Variants in USP31 observed in about 807,000 individuals in gnomAD.
USP31 encodes the protein ubiquitin carboxyl-terminal hydrolase 31.
Under a neutral mutation model 119.4 loss-of-function variants are expected in USP31, and 44 were observed. The observed-to-expected ratio is 0.37, with a 90% CI of 0.29 to 0.47. The LOEUF (loss-of-function observed/expected upper bound fraction) is 0.47, where lower values mean the gene tolerates loss of function less well. Ranked by LOEUF, USP31 falls within the 20% of genes least tolerant of loss-of-function variation. The pLI, the probability that USP31 is intolerant of heterozygous loss-of-function variation, is 0.99. For synonymous variants in USP31, 749 were observed against 705.6 expected, an observed-to-expected ratio of 1.06 and a Z score of -0.97; for missense variants, 1,643 against 1,730.2, an observed-to-expected ratio of 0.95 and a Z score of 0.89.
At chr16:23,137,601 T>C (rs995426261) in intron 1 of USP31, among the ~76,000 whole-genome samples, 2 of 150,744 alleles carry the variant, frequency 1.3e-5, no homozygotes, top group Non-Finnish European at 1.5e-5. Context: ...ACACATGACA[T>C]ATATATATGT....
chr16:23,089,116 G>A (rs1901239939), intron 7 of USP31, among the ~76,000 whole-genome samples: 1 of 152,132 alleles, frequency 6.6e-6, no homozygotes, highest in East Asian at 1.9e-4. Context: ...GAATTCCACA[G>A]GTTCTTTACT....
intron 6 of USP31, among the ~76,000 whole-genome samples, chr16:23,095,276 G>T (rs1901552306): frequency 6.6e-6 from 1 of 152,120 alleles, no homozygotes; most frequent in Non-Finnish European, 1.5e-5. Context: ...ATGAAATAAA[G>T]CAAGAACACA....
At chr16:23,107,527 A>G (rs1902157244) in intron 2 of USP31, among the ~76,000 whole-genome samples, 1 of 152,212 alleles carries the variant, frequency 6.6e-6, no homozygotes, top group Non-Finnish European at 1.5e-5. Context: ...TCTTTAGTCT[A>G]ATTTTTTTCC....
chr16:23,111,795 T>C (rs1476379809), intron 1 of USP31, among the ~76,000 whole-genome samples: 3 of 152,132 alleles, frequency 2.0e-5, no homozygotes, highest in South Asian at 2.1e-4. Flanking sequence ...AAGAGTCAAA[T>C]GAAGAGAGCT....
At chr16:23,118,124 A>AAG (rs2141885251) in intron 1 of USP31, among the ~76,000 whole-genome samples, 1 of 152,232 alleles carries the variant, frequency 6.6e-6, no homozygotes, top group African/African-American at 2.4e-5. Flanking sequence ...TGCTTCTCTG[A>AAG]GCCTCAGTCA....
chr16:23,137,558 T>C lies in USP31; in HGVS notation c.633+11080A>G, dbSNP rs569721158. Among the ~76,000 whole-genome samples the C allele has an allele frequency of 2.7e-4, 41 of 150,808 alleles. 1 individual carries two copies. The South Asian group carries it at 8.6e-3, about 32-fold the overall frequency. The stretch of plus-strand genomic sequence containing the variant: ...GTGATAATTTACTTATTCTGTCCTC[T>C]TCCTTTGGACGTTTTCCTCCCTACA... On this transcript the variant is annotated intron_variant, in intron 1 of 15. Transcript: ENST00000219689.
chr16:23,088,719 TC>T (rs1416915135), intron 7 of USP31, among the ~76,000 whole-genome samples: 36 of 152,230 alleles, frequency 2.4e-4, no homozygotes, highest in African/African-American at 8.7e-4. Context: ...GTTGGCTTGT[TC>T]CCTGTGTATA....
intron 5 of USP31, among the ~76,000 whole-genome samples, chr16:23,102,958 T>C (rs1901945050): frequency 6.6e-6 from 1 of 152,186 alleles, no homozygotes; most frequent in African/African-American, 2.4e-5. Context: ...TCTATGTAAA[T>C]ACTGTGCCAT....
chr16:23,072,664 A>C (rs1373828561), intron 14 of USP31: 2 of 395,948 alleles, frequency 5.1e-6, no homozygotes, highest in Non-Finnish European at 9.0e-6. Flanking sequence ...CCATTTTCAT[A>C]ATATTAATAA....
chr16:23,149,208 G>A lies in USP31; in HGVS notation c.63C>T (p.Arg21=). The A allele has an allele frequency of 5.2e-6, 6 of 1,149,180 alleles. No individual in the cohort carries two copies. Among genetic ancestry groups the A allele is most frequent in the Non-Finnish European group, 6.4e-6 (6 of 931,834 alleles). 71.2% of individuals were successfully genotyped at this position (1,149,180 alleles called of 1,614,324 possible). ...PPAAASGKEK[R]SFSKRLFRSG... Reference sequence around the variant, plus strand: ...TCCGAAACAGCCGCTTGCTGAAGGAGCGCTTCTCCTTCCCGCTCGCCGCCG... The same window carrying A: ...TCCGAAACAGCCGCTTGCTGAAGGAACGCTTCTCCTTCCCGCTCGCCGCCG... The change falls in exon 1 of 16, where the codon CGC becomes CGT. Residue 21 remains arginine, a synonymous_variant. Transcript: ENST00000219689.
chr16:23,125,272 T>G (rs1038200677), intron 1 of USP31, among the ~76,000 whole-genome samples: 2 of 152,208 alleles, frequency 1.3e-5, no homozygotes, highest in Non-Finnish European at 2.9e-5. Flanking sequence ...AGATCTCAGC[T>G]GCACTAGGAG....
Position 23,069,363 on chromosome 16 carries a change from G to A in USP31, c.2742C>T (p.Ser914=). The A allele has an allele frequency of 6.2e-7, 1 of 1,605,884 alleles. No homozygotes were observed. The highest frequency in any genetic ancestry group is 8.5e-7 in the Non-Finnish European group (1 of 1,174,350). ...GGTAACTGCTAGAAAGGTTCCGCAA[G>A]CTACCAAAGCAAGAGATGGAGACCT... is the stretch of plus-strand genomic sequence containing the variant. The part of the protein sequence containing the change: ...DDKVSISCFG[S]LRNLSSSYQE... The change falls in exon 16 of 16, where the codon AGC becomes AGT. Residue 914 remains serine (S), a synonymous_variant. Coordinates refer to ENST00000219689, the MANE Select transcript of USP31 (RefSeq NM_020718.4).
intron 1 of USP31, among the ~76,000 whole-genome samples, chr16:23,128,860 G>A (rs1015980117): frequency 3.9e-5 from 6 of 152,100 alleles, no homozygotes; most frequent in African/African-American, 1.2e-4. Flanking sequence ...CCATTTTACA[G>A]GAAATACATG....
chr16:23,149,414 G>A lies in USP31; in HGVS notation c.-144C>T, dbSNP rs969465698. On this transcript the variant is annotated 5_prime_UTR_variant, in exon 1 of 16. Transcript: ENST00000219689. ...CACCTCAAAGCGCAGCCGAGCCAGCGAGCGAGCGGCGGCCGGCGGGGCCAG... is the reference window on the plus strand; with the variant it reads ...CACCTCAAAGCGCAGCCGAGCCAGCAAGCGAGCGGCGGCCGGCGGGGCCAG... 93 of 955,214 alleles carry A rather than the reference G, an allele frequency of 9.7e-5. No individual in the cohort carries two copies. Among genetic ancestry groups the A allele is most frequent in the Non-Finnish European group, 1.1e-4 (88 of 804,238 alleles). The allele number at this position is 955,214 out of a possible 1,614,324, so 59.2% of individuals were successfully genotyped here.
intron 1 of USP31, among the ~76,000 whole-genome samples, chr16:23,142,734 G>T (rs930327956): frequency 7.2e-5 from 11 of 152,230 alleles, no homozygotes; most frequent in Admixed American, 3.3e-4. Context: ...CCTCAGAGGT[G>T]TGGAGCTTTG....
Position 23,149,300 on chromosome 16 carries a change from C to G in USP31, c.-30G>C. On this transcript the variant is annotated 5_prime_UTR_variant, in exon 1 of 16. Coordinates refer to ENST00000219689, the MANE Select transcript of USP31 (RefSeq NM_020718.4). ...GCGGCCGCAGACACTCATCACCGCG[C>G]CCGCCCGCCCGGCCCGCGGCCCCGC... 9.6e-7 allele frequency: 1 copy of G among 1,039,894 alleles called. No homozygotes were observed. The highest frequency in any genetic ancestry group is 1.2e-6 in the Non-Finnish European group (1 of 866,842). The allele number at this position is 1,039,894 out of a possible 1,614,324, so 64.4% of individuals were successfully genotyped here. A position where few individuals can be genotyped will look rare whatever the true frequency, so the allele number is the denominator to read the frequency against.
chr16:23,126,690 T>C (rs1353924261), intron 1 of USP31, among the ~76,000 whole-genome samples: 2 of 151,778 alleles, frequency 1.3e-5, no homozygotes, highest in Admixed American at 6.6e-5. Flanking sequence ...GAAATACCTC[T>C]GTCTCCAACT....
chr16:23,068,935 G>A lies in USP31; in HGVS notation c.3170C>T (p.Ser1057Phe). ...TTTTACAGGAAGAGGAGAAGAAGGG[G>A]ATGTACTTGAAAGGGATGACTCCTG... ...ASQESSLSSTSPSSPLPVKVS... is the reference protein window; with the variant it reads ...ASQESSLSSTFPSSPLPVKVS... Residue 1057 changes from serine (S) to phenylalanine (F), a missense_variant, in exon 16 of 16, where the codon TCC becomes TTC. Coordinates refer to ENST00000219689, the MANE Select transcript of USP31 (RefSeq NM_020718.4). 1.2e-6 allele frequency: 2 copies of A among 1,614,072 alleles called. No individual in the cohort carries two copies. The highest frequency in any genetic ancestry group is 1.1e-5 in the South Asian group (1 of 91,054).
At chr16:23,102,172 TACC>T in intron 6 of USP31, 144 bp downstream of exon 6, 1 of 890,136 alleles carries the variant, frequency 1.1e-6, no homozygotes, top group Admixed American at 3.6e-5. Flanking sequence ...ATAAGATTTT[TACC>T]ATTATACCAT....
Sources: allele counts gnomAD v4.1 joint callset (sites outside exome capture counted in the v4.1 genomes callset), GRCh38; gene constraint gnomAD v4.1.1; transcripts MANE v1.5; gene names NCBI Gene and HGNC (gene_info 2026-07-23, HGNC 2026-07-21).